HMCN2: variants seen among roughly 807,000 people sequenced by gnomAD.
The protein encoded by HMCN2 is hemicentin 2, also known as hemicentin-2.
In HMCN2, 325 loss-of-function variants were observed where a neutral mutation model predicts 377.5. The observed-to-expected ratio is 0.86, with a 90% CI of 0.79 to 0.94. The LOEUF (loss-of-function observed/expected upper bound fraction) is 0.94. Ranked by LOEUF, HMCN2 falls within the 40% of genes least tolerant of loss-of-function variation. The pLI is 0.00. For synonymous variants in HMCN2, 2,007 were observed against 2,046.8 expected, an observed-to-expected ratio of 0.98 and a Z score of 0.53; for missense variants, 4,543 against 4,725.3, an observed-to-expected ratio of 0.96 and a Z score of 1.13.
intron 29 of HMCN2, among the ~76,000 whole-genome samples, chr9:130,350,887 A>C (rs1325536033): frequency 6.6e-6 from 1 of 151,960 alleles, no homozygotes; most frequent in African/African-American, 2.4e-5. Flanking sequence ...TGGGCAATAG[A>C]GCAAGACTCA....
At position 130,299,030 on chromosome 9, in the gene HMCN2, C is replaced by A. The variant is rs1475753057; in HGVS notation, c.1018C>A (p.Pro340Thr). ...HTLEWPLQGV[P>T]ISLVINSTGL... ...TCTTCACCTTCCCTCTGCAGGAGTCCCCATCTCCCTGGTGATCAATTCCAC... is the reference window on the plus strand; with the variant it reads ...TCTTCACCTTCCCTCTGCAGGAGTCACCATCTCCCTGGTGATCAATTCCAC... Residue 340 changes from proline to threonine, a missense_variant, in exon 8 of 98, where the codon CCC becomes ACC. Pro to Thr is a conservative substitution (Grantham distance 38). This residue lies in a region of HMCN2 where 547 missense variants were observed against 189.9 expected (regional missense o/e 2.88). Transcript: ENST00000683500. The A allele has an allele frequency of 1.1e-5, 5 of 469,498 alleles. No individual in the cohort carries two copies. Among genetic ancestry groups the A allele is most frequent in the African/African-American group, 1.0e-4 (5 of 50,026 alleles). 29.1% of individuals were successfully genotyped at this position (469,498 alleles called of 1,614,324 possible).
In HMCN2 at chr9:130,433,723, C is replaced by A. The variant is rs772980243; in HGVS notation, c.*30C>A. The A allele has an allele frequency of 1.1e-5, 16 of 1,409,260 alleles. No individual in the cohort carries two copies. In the South Asian group the frequency reaches 2.0e-4, roughly 18 times the overall value. The allele number at this position is 1,409,260 out of a possible 1,614,324, so 87.3% of individuals were successfully genotyped here. A position where few individuals can be genotyped will look rare whatever the true frequency, so the allele number is the denominator to read the frequency against. ...GAGAGGGCATTGGCGGCCGCCCTGG[C>A]GTGACCCCCGAGGAAGGGGTCGAGG... On this transcript the variant is annotated 3_prime_UTR_variant, in exon 98 of 98. Transcript: ENST00000683500.
intron 24 of HMCN2, among the ~76,000 whole-genome samples, chr9:130,341,991 C>T (rs978737177): frequency 2.0e-4 from 30 of 150,360 alleles, no homozygotes; most frequent in Admixed American, 3.3e-4. Flanking sequence ...GTCTGGCCAA[C>T]ATAGTGAAAC....
intron 36 of HMCN2, 26 bp downstream of exon 36, chr9:130,358,512 C>T: frequency 3.8e-6 from 5 of 1,304,266 alleles, no homozygotes; most frequent in Non-Finnish European, 5.1e-6. Context: ...ACCAGCAGGG[C>T]CCAGGCCAGC....
chr9:130,279,090 G>T (rs1834968336), intron 1 of HMCN2, among the ~76,000 whole-genome samples: 1 of 151,090 alleles, frequency 6.6e-6, no homozygotes, highest in Admixed American at 6.6e-5. Flanking sequence ...TAGAGACAGG[G>T]TTTCACCATG....
intron 54 of HMCN2, among the ~76,000 whole-genome samples, chr9:130,380,304 G>A (rs974972735): frequency 6.6e-6 from 1 of 152,150 alleles, no homozygotes; most frequent in Non-Finnish European, 1.5e-5. Context: ...AAAGGCTCCA[G>A]GGGTGGGGCT....
intron 83 of HMCN2, 75 bp from the exon 84 acceptor site, chr9:130,408,668 C>G: frequency 8.9e-7 from 1 of 1,125,424 alleles, no homozygotes; most frequent in Non-Finnish European, 1.2e-6. Context: ...GTTGGGCAGT[C>G]CTTTGGGGTT....
At chr9:130,427,410 G>A (rs1844443364) in intron 91 of HMCN2, 35 bp downstream of exon 91, 1 of 1,550,508 alleles carries the variant, frequency 6.4e-7, no homozygotes, top group African/African-American at 1.4e-5. Flanking sequence ...GATGTGGGAG[G>A]CCTCTCAGCC....
At chr9:130,301,073 G>A (rs1348046940) in intron 8 of HMCN2, among the ~76,000 whole-genome samples, 1 of 152,210 alleles carries the variant, frequency 6.6e-6, no homozygotes, top group Non-Finnish European at 1.5e-5. Context: ...GGGGAAGAAG[G>A]GCCAGCTCTT....
chr9:130,345,568 TTGTG>T (rs1395413139), intron 25 of HMCN2, among the ~76,000 whole-genome samples: 2 of 146,134 alleles, frequency 1.4e-5, no homozygotes, highest in Non-Finnish European at 3.0e-5. Context: ...GTGTGTATGT[TTGTG>T]TGTGGTATGT....
At position 130,364,679 on chromosome 9, in the gene HMCN2, G is replaced by A. The variant is rs1840595117; in HGVS notation, c.6233-35G>A. On this transcript the variant is annotated intron_variant, in intron 40 of 97. Transcript: ENST00000683500. ...CCCTCCTTGCCAGCCCCACCCATGT[G>A]CCTGAGGGAGCCCTTCTCCTGCCCC... 1.1e-5 allele frequency: 11 copies of A among 981,618 alleles called. No homozygotes were observed. In the South Asian group the frequency reaches 1.4e-4, roughly 13 times the overall value. 60.8% of individuals were successfully genotyped at this position (981,618 alleles called of 1,614,324 possible).
intron 53 of HMCN2, among the ~76,000 whole-genome samples, chr9:130,378,817 A>C (rs1380193481): frequency 6.6e-6 from 1 of 152,106 alleles, no homozygotes; most frequent in Non-Finnish European, 1.5e-5. Context: ...CCTGGGGATG[A>C]CACGGCCCCC....
At chr9:130,311,484 A>G (rs1417585942) in intron 15 of HMCN2, among the ~76,000 whole-genome samples, 1 of 152,198 alleles carries the variant, frequency 6.6e-6, no homozygotes, top group Non-Finnish European at 1.5e-5. Flanking sequence ...CAGGTGAGAC[A>G]CAGCATCAAC....
At chr9:130,328,332 C>T (rs1230338519) in intron 22 of HMCN2, among the ~76,000 whole-genome samples, 2 of 152,012 alleles carry the variant, frequency 1.3e-5, no homozygotes, top group African/African-American at 2.4e-5. Flanking sequence ...GGCGGGGGGC[C>T]GTGGGAGCCC....
At position 130,391,218 on chromosome 9, in the gene HMCN2, C is replaced by T. The variant is rs1037089515; in HGVS notation, c.9682C>T (p.Arg3228Trp). The T allele has an allele frequency of 1.6e-5, 16 of 987,774 alleles. No homozygotes were observed. The highest frequency in any genetic ancestry group is 2.8e-4 in the Middle Eastern group (1 of 3,566). 61.2% of individuals were successfully genotyped at this position (987,774 alleles called of 1,614,324 possible). A position where few individuals can be genotyped will look rare whatever the true frequency, so the allele number is the denominator to read the frequency against. ...VVAVLVAPRI[R>W]SSGVAREHHV... Reference sequence around the variant, plus strand: ...CCCTGCCTCAGTGGCCCCCCGGATCCGGAGCTCGGGCGTGGCGCGGGAGCA... The same window carrying T: ...CCCTGCCTCAGTGGCCCCCCGGATCTGGAGCTCGGGCGTGGCGCGGGAGCA... Residue 3228 changes from arginine to tryptophan, a missense_variant, in exon 64 of 98, where the codon CGG becomes TGG. By Grantham distance (101) the Arg-to-Trp change is moderately radical. Coordinates refer to ENST00000683500, the MANE Select transcript of HMCN2 (RefSeq NM_001291815.2).
intron 21 of HMCN2, among the ~76,000 whole-genome samples, chr9:130,326,536 C>A (rs1275000814): frequency 1.3e-5 from 2 of 151,848 alleles, no homozygotes; most frequent in African/African-American, 2.4e-5. Flanking sequence ...AATGTATAAG[C>A]CAGGCTTTTT....
At position 130,421,931 on chromosome 9, in the gene HMCN2, C is replaced by T. The variant is rs150666860; in HGVS notation, c.13232-646C>T. 4.3e-4 allele frequency among the ~76,000 whole-genome samples: 66 copies of T among 152,336 alleles called. No individual in the cohort carries two copies. In the East Asian group the frequency reaches 0.012, roughly 28 times the overall value. ...GAGAGGCAGGCTAACTTCTGTCTCT[C>T]GCCCCCTGGAATGCCATCTGCCTAA... On this transcript the variant is annotated intron_variant, in intron 86 of 97. Transcript: ENST00000683500.
At chr9:130,426,439 C>T (rs1844370901) in intron 90 of HMCN2, among the ~76,000 whole-genome samples, 1 of 152,234 alleles carries the variant, frequency 6.6e-6, no homozygotes, top group Non-Finnish European at 1.5e-5. Context: ...CAGGCAGACC[C>T]CAGTTCAAAT....
intron 3 of HMCN2, 72 bp downstream of exon 3, chr9:130,285,388 C>A: frequency 2.2e-6 from 1 of 447,562 alleles, no homozygotes; most frequent in Non-Finnish European, 4.6e-6. Flanking sequence ...GTCTCTCTCA[C>A]CACCTGAGCC....
Sources: allele counts gnomAD v4.1 joint callset (sites outside exome capture counted in the v4.1 genomes callset), GRCh38; gene constraint gnomAD v4.1.1; regional missense constraint gnomAD v4.1.1; transcripts MANE v1.5; gene names NCBI Gene and HGNC (gene_info 2026-07-23, HGNC 2026-07-21).